Variants in OPCML observed in about 807,000 individuals in gnomAD.
OPCML encodes opioid binding protein/cell adhesion molecule like, also known as opioid-binding protein/cell adhesion molecule.
A neutral mutation model predicts 37.8 loss-of-function variants in OPCML; 13 were observed. The observed-to-expected ratio is 0.34, with a 90% confidence interval of 0.22 to 0.55. The LOEUF is 0.55. OPCML is among the 20% of genes least tolerant of loss of function. The probability of loss-of-function intolerance (pLI) is 0.91; values close to 1 mark genes in which losing one functional copy is unlikely to be tolerated. For synonymous variants in OPCML, 176 were observed against 168.8 expected (o/e 1.04, Z -0.33); for missense variants, 341 against 435.6 (o/e 0.78, Z 1.93).
intron 3 of OPCML, among the ~76,000 whole-genome samples, chr11:132,643,435 G>T (rs1940970991): frequency 6.6e-6 from 1 of 152,184 alleles, no homozygotes; most frequent in Non-Finnish European, 1.5e-5. Context: ...CGGGAGGGCT[G>T]CATGCAGAGC....
chr11:132,623,324 A>T (rs954212323), intron 3 of OPCML, among the ~76,000 whole-genome samples: 1 of 151,906 alleles, frequency 6.6e-6, no homozygotes, highest in African/African-American at 2.4e-5. Context: ...CATCGCCCAC[A>T]GTTGCACCTA....
At chr11:132,971,937 G>C (rs1946351502) in intron 1 of OPCML, among the ~76,000 whole-genome samples, 1 of 152,186 alleles carries the variant, frequency 6.6e-6, no homozygotes, top group African/African-American at 2.4e-5. Context: ...CCACCCTGCT[G>C]CTACTGCTGC....
intron 1 of OPCML, among the ~76,000 whole-genome samples, chr11:133,020,291 T>C (rs527898823): frequency 6.6e-6 from 1 of 152,310 alleles, no homozygotes; most frequent in East Asian, 1.9e-4. Flanking sequence ...TTGCAATGGA[T>C]TGCAAGCCCG....
chr11:133,260,541 G>T (rs1458633628), intron 1 of OPCML, among the ~76,000 whole-genome samples: 1 of 152,098 alleles, frequency 6.6e-6, no homozygotes, highest in Non-Finnish European at 1.5e-5. Flanking sequence ...TATGGGAGTG[G>T]GAGTGGAGAT....
chr11:132,984,039 C>A (rs1458850541), intron 1 of OPCML, among the ~76,000 whole-genome samples: 1 of 152,166 alleles, frequency 6.6e-6, no homozygotes. Flanking sequence ...ACCTCTACTA[C>A]TAGAACTAAG....
At chr11:133,226,529 C>T (rs952695840) in intron 1 of OPCML, among the ~76,000 whole-genome samples, 35 of 152,212 alleles carry the variant, frequency 2.3e-4, no homozygotes, top group African/African-American at 8.2e-4. Flanking sequence ...CTAGACACTT[C>T]CTAAATGATG....
At chr11:133,144,586 G>A (rs554482810) in intron 1 of OPCML, among the ~76,000 whole-genome samples, 1 of 152,286 alleles carries the variant, frequency 6.6e-6, no homozygotes, top group Admixed American at 6.5e-5. Context: ...TAGCACGCTG[G>A]CCAGCACACA....
intron 4 of OPCML, among the ~76,000 whole-genome samples, chr11:132,462,218 G>A (rs370996449): frequency 4.6e-5 from 7 of 152,016 alleles, no homozygotes; most frequent in South Asian, 2.1e-4. Context: ...CCACCGCACC[G>A]CCCCCGCCAC....
chr11:133,495,575 G>T (rs1947768227), intron 1 of OPCML, among the ~76,000 whole-genome samples: 1 of 152,050 alleles, frequency 6.6e-6, no homozygotes. Flanking sequence ...ACCGTTTTTT[G>T]ATTTTTTTAT....
At chr11:133,200,341 A>G (rs942269566) in intron 1 of OPCML, among the ~76,000 whole-genome samples, 6 of 152,212 alleles carry the variant, frequency 3.9e-5, no homozygotes, top group Non-Finnish European at 8.8e-5. Context: ...GCAGAAGAGA[A>G]GATACTCATT....
chr11:133,504,604 CG>C (rs1947987663), intron 1 of OPCML, among the ~76,000 whole-genome samples: 1 of 152,194 alleles, frequency 6.6e-6, no homozygotes, highest in Non-Finnish European at 1.5e-5. Flanking sequence ...GAGCCAGCCA[CG>C]GGAGCCCCCA....
At chr11:133,351,514 G>T (rs528434067) in intron 1 of OPCML, among the ~76,000 whole-genome samples, 1 of 137,848 alleles carries the variant, frequency 7.3e-6, no homozygotes, top group African/African-American at 2.7e-5. Context: ...TTAGGTCATT[G>T]CTACTTCTGG....
At position 132,417,217 on chromosome 11, in the gene OPCML, C is replaced by T. The variant is rs1246827689; in HGVS notation, c.*2976G>A. ...GAAGTTGGAAAAGTGTGGATATTGTCTTGTGTAAGCATTTGTTGTTCTATA... is the reference window on the plus strand; with the variant it reads ...GAAGTTGGAAAAGTGTGGATATTGTTTTGTGTAAGCATTTGTTGTTCTATA... On this transcript the variant is annotated 3_prime_UTR_variant, in exon 8 of 8. Coordinates refer to ENST00000524381, the MANE Select transcript of OPCML (RefSeq NM_001012393.5). 1 of 152,210 alleles carries T rather than the reference C, an allele frequency of 6.6e-6. No individual in the cohort carries two copies. The highest frequency in any genetic ancestry group is 1.9e-4 in the East Asian group (1 of 5,196). 9.4% of individuals were successfully genotyped at this position (152,210 alleles called of 1,614,324 possible). A position where few individuals can be genotyped will look rare whatever the true frequency, so the allele number is the denominator to read the frequency against.
At chr11:133,335,411 G>T (rs114054756) in intron 1 of OPCML, among the ~76,000 whole-genome samples, 1 of 152,214 alleles carries the variant, frequency 6.6e-6, no homozygotes, top group African/African-American at 2.4e-5. Flanking sequence ...AAGACAAGGC[G>T]GACTTCAATT....
At chr11:133,257,714 A>T (rs1044452549) in intron 1 of OPCML, among the ~76,000 whole-genome samples, 4 of 152,192 alleles carry the variant, frequency 2.6e-5, no homozygotes, top group African/African-American at 9.7e-5. Context: ...TATAGGTCCC[A>T]TTCTGGCATT....
intron 1 of OPCML, among the ~76,000 whole-genome samples, chr11:133,453,559 A>C (rs2136963149): frequency 6.6e-6 from 1 of 152,320 alleles, no homozygotes; most frequent in African/African-American, 2.4e-5. Context: ...GTGTATTTTA[A>C]AATTTCACTG....
intron 1 of OPCML, among the ~76,000 whole-genome samples, chr11:133,483,219 G>C (rs1947416395): frequency 6.6e-6 from 1 of 152,052 alleles, no homozygotes; most frequent in African/African-American, 2.4e-5. Flanking sequence ...GTATCTGGAA[G>C]AATGGCAAAA....
chr11:132,458,045 G>A (rs2096088393), intron 4 of OPCML, among the ~76,000 whole-genome samples: 1 of 152,156 alleles, frequency 6.6e-6, no homozygotes, highest in Non-Finnish European at 1.5e-5. Context: ...GCAGGTTGAA[G>A]TGGGATGGGA....
At position 133,398,709 on chromosome 11, in the gene OPCML, T is replaced by C. The variant is rs1348323275; in HGVS notation, c.61+133555A>G. Among the ~76,000 whole-genome samples the C allele has an allele frequency of 2.6e-5, 4 of 152,316 alleles. No individual in the cohort carries two copies. The East Asian group carries it at 5.8e-4, about 22-fold the overall frequency. ...CTTTGTTATTGCATTCTTAAGTCTA[T>C]AGGGACCATGAAGGGTAAGAAACTC... On this transcript the variant is annotated intron_variant, in intron 1 of 7. Coordinates refer to ENST00000524381, the MANE Select transcript of OPCML (RefSeq NM_001012393.5).
Sources: gnomAD v4.1 joint callset for allele counts (sites outside exome capture counted in the v4.1 genomes callset) on GRCh38, gnomAD v4.1.1 for gene constraint, MANE v1.5 for transcripts, NCBI Gene and HGNC (gene_info 2026-07-23, HGNC 2026-07-21) for gene names.